HELB: variants seen among roughly 807,000 people sequenced by gnomAD.
HELB encodes DNA helicase B.
Under a neutral mutation model 101.7 loss-of-function variants are expected in HELB, and 96 were observed. The ratio of observed to expected loss-of-function variants is 0.94; its 90% CI spans 0.80 to 1.12. The LOEUF (loss-of-function observed/expected upper bound fraction) is 1.12, where lower values mean the gene tolerates loss of function less well. Ranked by LOEUF, HELB falls within the 50% of genes most tolerant of loss-of-function variation. The pLI is 0.00. For missense variants in HELB, 1,210 were observed against 1,291.9 expected (o/e 0.94, Z 0.97); for synonymous variants, 437 against 459.7 (o/e 0.95, Z 0.63).
intron 12 of HELB, among the ~76,000 whole-genome samples, chr12:66,337,542 A>T (rs796682153): frequency 6.6e-6 from 1 of 151,992 alleles, no homozygotes; most frequent in Non-Finnish European, 1.5e-5. Flanking sequence ...TGGCATTGCA[A>T]TGTTTTATCT....
chr12:66,332,836 C>G (rs189134874), intron 12 of HELB, among the ~76,000 whole-genome samples: 290 of 152,270 alleles, frequency 1.9e-3, no homozygotes, highest in African/African-American at 6.7e-3. Context: ...GACTATTTAG[C>G]TTGGCATTTG....
intron 6 of HELB, among the ~76,000 whole-genome samples, chr12:66,318,005 A>G (rs933703479): frequency 6.6e-6 from 1 of 152,220 alleles, no homozygotes; most frequent in African/African-American, 2.4e-5. Flanking sequence ...CTCGGAAAAT[A>G]TAAGAATGAA....
rs1450126411 is a variant in HELB at position 66,324,108 on chromosome 12, G to C, written c.2423G>C (p.Ser808Thr). ...GSQQNNDLDA[S>T]SEDFSGTLPD... ...CAGCAAAATAATGATCTAGATGCCA[G>C]TAGTGAAGACTTTTCTGGTACGCTT... The change falls in exon 10 of 13, where the codon AGT becomes ACT. Residue 808 changes from serine to threonine, a missense_variant. Physicochemically the swap from Ser to Thr is moderately conservative, Grantham distance 58. Around this residue, in one of 2 missense-constraint regions of HELB, gnomAD observed 740 missense variants for 728.8 expected, o/e 1.02. Transcript: ENST00000247815. 6.2e-7 allele frequency: 1 copy of C among 1,613,770 alleles called. No homozygotes were observed.
chr12:66,316,535 A>G (rs1192766282), intron 6 of HELB, among the ~76,000 whole-genome samples: 7 of 151,426 alleles, frequency 4.6e-5, no homozygotes, highest in Non-Finnish European at 8.8e-5. Flanking sequence ...CCCACGTAAA[A>G]TACACTAACA....
chr12:66,320,131 G>A (rs1264375854), intron 7 of HELB, among the ~76,000 whole-genome samples: 1 of 151,968 alleles, frequency 6.6e-6, no homozygotes, highest in East Asian at 1.9e-4. Context: ...ACCAGTGACT[G>A]ATTAAATTTG....
rs1320706029 is a variant in HELB at position 66,309,861 on chromosome 12, A to G, written c.933A>G (p.Thr311=). The change falls in exon 4 of 13, where the codon ACA becomes ACG. Residue 311 remains threonine (T), a synonymous_variant. Transcript: ENST00000247815. ...AGATATGTAGAGAAGATGGGCACAC[A>G]TATGTTGAAGTGAATGACTTAACTT... ...LKQICREDGH[T]YVEVNDLTLT... 21 of 1,614,206 alleles carry G rather than the reference A, an allele frequency of 1.3e-5. No individual in the cohort carries two copies. The highest frequency in any genetic ancestry group is 1.7e-5 in the Non-Finnish European group (20 of 1,180,018).
At position 66,306,603 on chromosome 12, in the gene HELB, A is replaced by T. The variant is rs552455557; in HGVS notation, c.777+89A>T. 12 of 906,360 alleles carry T rather than the reference A, an allele frequency of 1.3e-5. No homozygotes were observed. The East Asian group carries it at 2.8e-4, about 21-fold the overall frequency. 56.1% of individuals were successfully genotyped at this position (906,360 alleles called of 1,614,324 possible). A position where few individuals can be genotyped will look rare whatever the true frequency, so the allele number is the denominator to read the frequency against. On this transcript the variant is annotated intron_variant, in intron 3 of 12. Transcript: ENST00000247815. ...TTTTCCTTTCTCTTTCAAAGGAAAAAAATTTGTGTGGACCCCAGTATTGAT... is the reference window on the plus strand; with the variant it reads ...TTTTCCTTTCTCTTTCAAAGGAAAATAATTTGTGTGGACCCCAGTATTGAT...
chr12:66,332,047 G>A (rs1253756381), intron 12 of HELB, among the ~76,000 whole-genome samples: 1 of 152,158 alleles, frequency 6.6e-6, no homozygotes, highest in Non-Finnish European at 1.5e-5. Flanking sequence ...GGAGACAGTC[G>A]GCTATCAGTA....
At chr12:66,326,427 GA>G (rs1480849007) in intron 11 of HELB, among the ~76,000 whole-genome samples, 1 of 151,908 alleles carries the variant, frequency 6.6e-6, no homozygotes, top group Non-Finnish European at 1.5e-5. Context: ...ATTCTTAGTA[GA>G]GACGGGGTTT....
At chr12:66,304,592 AC>A in intron 1 of HELB, 138 bp from the exon 2 acceptor site, 1 of 708,108 alleles carries the variant, frequency 1.4e-6, no homozygotes, top group South Asian at 1.9e-5. Flanking sequence ...ATGCAGTGTT[AC>A]AGGCACCCTA....
At chr12:66,338,838 T>A (rs930053814), downstream of HELB, 1 of 152,242 alleles carries the variant, frequency 6.6e-6, no homozygotes, top group Non-Finnish European at 1.5e-5. Context: ...GATGTTGAAA[T>A]GTGGTCATTT....
At position 66,310,281 on chromosome 12, in the gene HELB, A is replaced by G. The variant is rs1285060385; in HGVS notation, c.1353A>G (p.Glu451=). ...SEVQLDQDQV[E]VPLDRDQVAA... ...TTCAGCTGGATCAGGATCAGGTTGA[A>G]GTTCCACTGGATCGGGATCAGGTGG... The change falls in exon 4 of 13, where the codon GAA becomes GAG. Residue 451 remains glutamate (E), a synonymous_variant. Transcript: ENST00000247815. 3 of 1,614,064 alleles carry G rather than the reference A, an allele frequency of 1.9e-6. No individual in the cohort carries two copies. Among genetic ancestry groups the G allele is most frequent in the South Asian group, 2.2e-5 (2 of 91,092 alleles).
intron 5 of HELB, among the ~76,000 whole-genome samples, 160 bp downstream of exon 5, chr12:66,314,323 A>C (rs1211980371): frequency 6.6e-6 from 1 of 152,160 alleles, no homozygotes. Context: ...TCTCCTAATC[A>C]GCTTGGGTTG....
Position 66,324,929 on chromosome 12 carries a change from T to G in HELB, c.2527-54T>G, listed in dbSNP as rs779294524. ...AAGATAGAATATCTTTGAACGTATT[T>G]GAACGTAGAACATATTTGAAGGTAT... On this transcript the variant is annotated intron_variant, in intron 10 of 12. Transcript: ENST00000247815. 8 of 1,599,948 alleles carry G rather than the reference T, an allele frequency of 5.0e-6. No individual in the cohort carries two copies. The East Asian group carries it at 1.8e-4, about 36-fold the overall frequency.
chr12:66,323,144 G>A (rs1162714522), intron 9 of HELB, among the ~76,000 whole-genome samples: 2 of 152,108 alleles, frequency 1.3e-5, no homozygotes, highest in African/African-American at 2.4e-5. Flanking sequence ...GCAACTTAGT[G>A]AGTGTCTGTC....
At chr12:66,323,927 C>A (rs2053703302) in intron 9 of HELB, 56 bp from the exon 10 acceptor site, 1 of 1,150,260 alleles carries the variant, frequency 8.7e-7, no homozygotes, top group Non-Finnish European at 1.3e-6. Context: ...AATGTTTGAA[C>A]AAGTGAAACG....
chr12:66,330,244 T>C lies in HELB; in HGVS notation c.2671-910T>C, dbSNP rs1271182939. Among the ~76,000 whole-genome samples, 4 of 152,192 alleles carry C rather than the reference T, an allele frequency of 2.6e-5. No individual in the cohort carries two copies. The East Asian group carries it at 5.8e-4, about 22-fold the overall frequency. ...TTGTTTTCTTACAGTTACACGGTGA[T>C]ATTGAGTATTTTTCTTGCCTATCCA... On this transcript the variant is annotated intron_variant, in intron 11 of 12. Coordinates refer to ENST00000247815, the MANE Select transcript of HELB (RefSeq NM_001370285.1).
chr12:66,313,416 T>G (rs574049002), intron 4 of HELB, among the ~76,000 whole-genome samples: 1 of 152,298 alleles, frequency 6.6e-6, no homozygotes, highest in South Asian at 2.1e-4. Flanking sequence ...TGATATACAC[T>G]AAAATATTGA....
intron 5 of HELB, among the ~76,000 whole-genome samples, chr12:66,314,932 C>G (rs2053585498): frequency 6.6e-6 from 1 of 150,856 alleles, no homozygotes; most frequent in Admixed American, 6.6e-5. Context: ...TAGATTCTTC[C>G]ACTTTCAGTA....
Sources: gnomAD v4.1 joint callset for allele counts (sites outside exome capture counted in the v4.1 genomes callset) on GRCh38, gnomAD v4.1.1 for gene constraint, gnomAD v4.1.1 regional missense constraint, MANE v1.5 for transcripts, NCBI Gene and HGNC (gene_info 2026-07-23, HGNC 2026-07-21) for gene names.